The following ADARB2 variants were observed in gnomAD, a reference collection of about 807,000 sequenced individuals.
The protein encoded by ADARB2 is adenosine deaminase RNA specific B2 (inactive).
ADARB2 carries 25 observed loss-of-function variants against 62.2 expected under a neutral mutation model. The ratio of observed to expected loss-of-function variants is 0.40; its 90% CI spans 0.29 to 0.56. The LOEUF is 0.56. ADARB2 is among the 20% of genes least tolerant of loss of function. The probability of loss-of-function intolerance (pLI) is 0.43; values close to 1 mark genes in which losing one functional copy is unlikely to be tolerated. For missense variants in ADARB2, 1,071 were observed against 1,077.4 expected (o/e 0.99, Z 0.08); for synonymous variants, 572 against 500.8 (o/e 1.14, Z -1.90).
chr10:1,290,532 A>G (rs1831456773), intron 3 of ADARB2: 2 of 152,224 alleles, frequency 1.3e-5, no homozygotes, highest in African/African-American at 4.8e-5. Flanking sequence ...CCCTATCCCT[A>G]TGTTTAAATT....
At chr10:1,294,863 CT>C (rs1445363889) in intron 3 of ADARB2, among the ~76,000 whole-genome samples, 1 of 152,200 alleles carries the variant, frequency 6.6e-6, no homozygotes, top group African/African-American at 2.4e-5. Flanking sequence ...TTGTATTCTC[CT>C]GGGGAGATTT....
chr10:1,609,044 G>T (rs974491858), intron 1 of ADARB2, among the ~76,000 whole-genome samples: 4 of 152,148 alleles, frequency 2.6e-5, no homozygotes, highest in Admixed American at 1.3e-4. Flanking sequence ...GACCCGAAAC[G>T]CCCACCAAAC....
At chr10:1,694,960 G>A (rs372693793) in intron 1 of ADARB2, among the ~76,000 whole-genome samples, 1 of 152,146 alleles carries the variant, frequency 6.6e-6, no homozygotes, top group Non-Finnish European at 1.5e-5. Flanking sequence ...ACAGCTCCAC[G>A]CCTGCACCGG....
chr10:1,413,036 G>A (rs1195099003), intron 1 of ADARB2, among the ~76,000 whole-genome samples: 1 of 152,138 alleles, frequency 6.6e-6, no homozygotes, highest in African/African-American at 2.4e-5. Context: ...ATGGGGATTT[G>A]GGCATGGCTG....
At chr10:1,578,382 T>C (rs1398507657) in intron 1 of ADARB2, among the ~76,000 whole-genome samples, 1 of 152,260 alleles carries the variant, frequency 6.6e-6, no homozygotes, top group Non-Finnish European at 1.5e-5. Context: ...ATTAAAAATA[T>C]AAACAACTTA....
At chr10:1,716,137 G>A (rs1835014406) in intron 1 of ADARB2, among the ~76,000 whole-genome samples, 1 of 152,040 alleles carries the variant, frequency 6.6e-6, no homozygotes, top group Non-Finnish European at 1.5e-5. Context: ...ATGCACACCT[G>A]CTGTGCATAC....
chr10:1,232,512 T>TGC (rs1389892801), intron 6 of ADARB2, among the ~76,000 whole-genome samples: 5 of 26,388 alleles, frequency 1.9e-4, no homozygotes, highest in Non-Finnish European at 9.7e-4. Context: ...GTATGTGGTA[T>TGC]GTGCTGTGTG....
At chr10:1,250,059 C>T (rs1447785189) in intron 4 of ADARB2, among the ~76,000 whole-genome samples, 3 of 95,718 alleles carry the variant, frequency 3.1e-5, no homozygotes, top group Non-Finnish European at 5.6e-5. Context: ...TTGAAGGACA[C>T]AACAAAATTT....
chr10:1,544,642 C>A (rs369336699), intron 1 of ADARB2, among the ~76,000 whole-genome samples: 3 of 152,014 alleles, frequency 2.0e-5, no homozygotes, highest in Admixed American at 2.0e-4. Context: ...CAGGTACAGA[C>A]CCTGCTCTTA....
intron 2 of ADARB2, among the ~76,000 whole-genome samples, chr10:1,376,041 G>A (rs529535623): frequency 2.6e-5 from 4 of 151,096 alleles, no homozygotes; most frequent in East Asian, 3.9e-4. Context: ...ACACGTGCAC[G>A]TACCACACAC....
At chr10:1,420,164 T>A (rs1832840058) in intron 1 of ADARB2, among the ~76,000 whole-genome samples, 1 of 152,244 alleles carries the variant, frequency 6.6e-6, no homozygotes, top group Admixed American at 6.5e-5. Flanking sequence ...CCTCATAACT[T>A]ACCTGCTAGC....
chr10:1,697,771 G>A (rs1294847588), intron 1 of ADARB2, among the ~76,000 whole-genome samples: 2 of 152,160 alleles, frequency 1.3e-5, no homozygotes, highest in East Asian at 1.9e-4. Flanking sequence ...TGAGCACGGT[G>A]TATTGAAGCC....
chr10:1,270,998 C>T lies in ADARB2; in HGVS notation c.1149G>A (p.Met383Ile). Residue 383 changes from methionine (M) to isoleucine (I), a missense_variant, in exon 4 of 10, where the codon ATG becomes ATA. Transcript: ENST00000381312. ...CTGCCAGCGCTTTATGGCGGGCGTG[C>T]ATGGGCGTGAGGTCCGTCGTCACCT... The part of the protein sequence containing the change: ...FREVTTDLTP[M>I]HARHKALAGI... 6.2e-7 allele frequency: 1 copy of T among 1,613,224 alleles called. No individual in the cohort carries two copies. The highest frequency in any genetic ancestry group is 8.5e-7 in the Non-Finnish European group (1 of 1,179,656).
intron 1 of ADARB2, among the ~76,000 whole-genome samples, chr10:1,527,097 C>T (rs966511642): frequency 6.6e-5 from 10 of 152,196 alleles, no homozygotes; most frequent in Admixed American, 6.5e-4. Flanking sequence ...TCTCTTTAAC[C>T]CAGAAACTGG....
At position 1,734,316 on chromosome 10, in the gene ADARB2, T is replaced by A. The variant is rs1465364167; in HGVS notation, c.100+2735A>T. On this transcript the variant is annotated intron_variant, in intron 1 of 9. Transcript: ENST00000381312. Reference sequence around the variant, plus strand: ...AAGGTGTTTTTTTTTTTTTTTTTTTTAAAGATACATACAGCTGCCTTTGTG... The same window carrying A: ...AAGGTGTTTTTTTTTTTTTTTTTTTAAAAGATACATACAGCTGCCTTTGTG... 3.6e-5 allele frequency among the ~76,000 whole-genome samples: 5 copies of A among 137,888 alleles called. No homozygotes were observed. In the East Asian group the frequency reaches 6.5e-4, roughly 18 times the overall value. The allele number at this position is 137,888 out of a possible 152,430, so 90.5% of individuals were successfully genotyped here.
chr10:1,310,948 G>A (rs995403334), intron 3 of ADARB2, among the ~76,000 whole-genome samples: 7 of 152,226 alleles, frequency 4.6e-5, no homozygotes, highest in African/African-American at 1.2e-4. Flanking sequence ...TAGCTAAAAT[G>A]TGTGTTTTGG....
chr10:1,364,874 T>C (rs1421442886), intron 2 of ADARB2, among the ~76,000 whole-genome samples: 2 of 35,500 alleles, frequency 5.6e-5, no homozygotes, highest in East Asian at 1.7e-3. Flanking sequence ...TTTGGTAATT[T>C]TTTTTTTTTT....
At chr10:1,591,945 C>T (rs1021513403) in intron 1 of ADARB2, among the ~76,000 whole-genome samples, 9 of 152,224 alleles carry the variant, frequency 5.9e-5, no homozygotes, top group African/African-American at 9.6e-5. Flanking sequence ...CGGCATCCTT[C>T]ACCTCACCCA....
intron 1 of ADARB2, among the ~76,000 whole-genome samples, chr10:1,408,979 T>C (rs1312186050): frequency 1.3e-5 from 2 of 152,156 alleles, no homozygotes; most frequent in Non-Finnish European, 2.9e-5. Flanking sequence ...TCCGTGGTGG[T>C]GGCGTCAGTG....
Sources: allele counts gnomAD v4.1 joint callset (sites outside exome capture counted in the v4.1 genomes callset), GRCh38; gene constraint gnomAD v4.1.1; transcripts MANE v1.5; gene names NCBI Gene and HGNC (gene_info 2026-07-23, HGNC 2026-07-21).